The following CMC1 variants were observed in gnomAD, a reference collection of about 807,000 sequenced individuals.
CMC1 encodes the protein COX assembly mitochondrial protein homolog.
CMC1 carries 14 observed loss-of-function variants against 14.1 expected under a neutral mutation model. That is an observed-to-expected ratio of 0.99 (90% CI 0.66 to 1.55). The LOEUF (loss-of-function observed/expected upper bound fraction) is 1.55. Among genes scored for constraint, CMC1 ranks in the 40% most tolerant of loss-of-function variants. CMC1 has a pLI of 0.00. For missense variants in CMC1, 127 were observed against 123.8 expected (o/e 1.03, Z -0.12); for synonymous variants, 50 against 38.4 (o/e 1.30, Z -1.12).
intron 2 of CMC1, among the ~76,000 whole-genome samples, chr3:28,277,185 A>G (rs576350479): frequency 6.4e-4 from 98 of 152,326 alleles, no homozygotes; most frequent in African/African-American, 2.0e-3. Context: ...AATATTAAAT[A>G]AAGGTGATAG....
At chr3:28,288,321 A>G (rs1701301244) in intron 2 of CMC1, among the ~76,000 whole-genome samples, 1 of 152,082 alleles carries the variant, frequency 6.6e-6, no homozygotes, top group African/African-American at 2.4e-5. Context: ...GAGCCAAGTG[A>G]TATCAAATAA....
chr3:28,250,448 G>A (rs535013618), intron 1 of CMC1, among the ~76,000 whole-genome samples: 68 of 152,284 alleles, frequency 4.5e-4, no homozygotes, highest in Admixed American at 1.1e-3. Flanking sequence ...GTTACTTGCC[G>A]GGTAATGCTG....
chr3:28,258,558 C>T (rs1699549462), intron 1 of CMC1, among the ~76,000 whole-genome samples: 1 of 146,974 alleles, frequency 6.8e-6, no homozygotes, highest in Non-Finnish European at 1.5e-5. Flanking sequence ...TCTTCATAAA[C>T]TAGCCTTGGT....
At chr3:28,245,487 C>G (rs1271854237) in intron 1 of CMC1, among the ~76,000 whole-genome samples, 1 of 152,096 alleles carries the variant, frequency 6.6e-6, no homozygotes, top group Non-Finnish European at 1.5e-5. Flanking sequence ...GTTCTCTTCC[C>G]TCTGTCAACA....
intron 2 of CMC1, among the ~76,000 whole-genome samples, chr3:28,296,331 T>G (rs1486742750): frequency 6.6e-6 from 1 of 152,088 alleles, no homozygotes; most frequent in Non-Finnish European, 1.5e-5. Context: ...GATTCTTTAG[T>G]TTTAAAGTTT....
intron 1 of CMC1, among the ~76,000 whole-genome samples, chr3:28,249,967 A>T (rs1011594365): frequency 6.6e-6 from 1 of 152,000 alleles, no homozygotes; most frequent in Non-Finnish European, 1.5e-5. Context: ...GAGGAGGTTG[A>T]GGGAGGAGGA....
At chr3:28,247,200 T>G (rs1015104664) in intron 1 of CMC1, among the ~76,000 whole-genome samples, 1 of 152,128 alleles carries the variant, frequency 6.6e-6, no homozygotes. Flanking sequence ...ATCCATACAA[T>G]TAGTTATTTC....
At chr3:28,305,027 G>A (rs1022738666) in intron 2 of CMC1, among the ~76,000 whole-genome samples, 1 of 152,012 alleles carries the variant, frequency 6.6e-6, no homozygotes, top group Non-Finnish European at 1.5e-5. Flanking sequence ...CTATTGAACC[G>A]TCACCCAAAC....
rs1300666596 is a variant in CMC1 at position 28,323,842 on chromosome 3, T to C, written c.*4213T>C. 4.3e-6 allele frequency: 2 copies of C among 466,658 alleles called. No individual in the cohort carries two copies. The highest frequency in any genetic ancestry group is 7.6e-6 in the Non-Finnish European group (2 of 263,734). 28.9% of individuals were successfully genotyped at this position (466,658 alleles called of 1,614,324 possible). A position where few individuals can be genotyped will look rare whatever the true frequency, so the allele number is the denominator to read the frequency against. On this transcript the variant is annotated 3_prime_UTR_variant, in exon 4 of 4. Transcript: ENST00000466830. ...TAGCATATTTCAGATTCTTAGAATA[T>C]GGAGCTAGAGGGTGCTCTTTCATAC...
chr3:28,290,473 C>T (rs1368853581), intron 2 of CMC1, among the ~76,000 whole-genome samples: 1 of 152,076 alleles, frequency 6.6e-6, no homozygotes, highest in Non-Finnish European at 1.5e-5. Flanking sequence ...TCTGGGAAGT[C>T]TGAGAGCAGC....
chr3:28,294,823 A>G (rs1701658962), intron 2 of CMC1, among the ~76,000 whole-genome samples: 1 of 152,056 alleles, frequency 6.6e-6, no homozygotes. Flanking sequence ...CTCCTTCTAG[A>G]TTTGTCATTC....
chr3:28,309,274 GC>G (rs900043591), intron 2 of CMC1, among the ~76,000 whole-genome samples: 1 of 151,920 alleles, frequency 6.6e-6, no homozygotes, highest in Non-Finnish European at 1.5e-5. Context: ...TGTTTCACAG[GC>G]CCCTTAACTG....
intron 1 of CMC1, among the ~76,000 whole-genome samples, chr3:28,254,775 TAAC>T (rs1699306800): frequency 6.6e-6 from 1 of 152,180 alleles, no homozygotes; most frequent in Non-Finnish European, 1.5e-5. Flanking sequence ...TGAAAAAAAG[TAAC>T]AATTTGAAAT....
intron 2 of CMC1, among the ~76,000 whole-genome samples, chr3:28,269,283 A>G (rs1700158001): frequency 6.6e-6 from 1 of 152,230 alleles, no homozygotes; most frequent in African/African-American, 2.4e-5. Context: ...GTTAGCTCAT[A>G]TGCTCATTAT....
chr3:28,251,413 C>T (rs1035172777), intron 1 of CMC1, among the ~76,000 whole-genome samples: 1 of 152,208 alleles, frequency 6.6e-6, no homozygotes, highest in Non-Finnish European at 1.5e-5. Context: ...CATGAGACAT[C>T]TGCCCTCGTG....
chr3:28,314,989 G>C (rs1343026122), intron 2 of CMC1: 2 of 152,120 alleles, frequency 1.3e-5, no homozygotes, highest in Non-Finnish European at 2.9e-5. Flanking sequence ...AAAAGATATT[G>C]AGAAAACACA....
intron 1 of CMC1, among the ~76,000 whole-genome samples, chr3:28,249,082 G>A (rs1489067366): frequency 3.9e-5 from 6 of 152,158 alleles, no homozygotes; most frequent in East Asian, 3.9e-4. Context: ...GAGCCACTGC[G>A]CCCAGCCTAT....
chr3:28,291,049 A>C (rs961208797), intron 2 of CMC1, among the ~76,000 whole-genome samples: 6 of 152,142 alleles, frequency 3.9e-5, no homozygotes, highest in African/African-American at 1.4e-4. Context: ...TGATAGCCTT[A>C]CTTCCTTCCC....
chr3:28,318,880 G>A (rs956794180), intron 3 of CMC1: 6 of 173,114 alleles, frequency 3.5e-5, no homozygotes, highest in East Asian at 1.7e-4. Flanking sequence ...GATCTTACAG[G>A]TGAGGTGCTC....
Sources: allele counts gnomAD v4.1 joint callset (sites outside exome capture counted in the v4.1 genomes callset), GRCh38; gene constraint gnomAD v4.1.1; transcripts MANE v1.5; gene names NCBI Gene and HGNC (gene_info 2026-07-23, HGNC 2026-07-21).